SEPTIN4: variants seen among roughly 807,000 people sequenced by gnomAD.
The protein encoded by SEPTIN4 is septin-4.
SEPTIN4 carries 52 observed loss-of-function variants against 107.1 expected under a neutral mutation model. The observed-to-expected ratio is 0.49, with a 90% CI of 0.39 to 0.61. The LOEUF is 0.61. Among genes scored for constraint, SEPTIN4 ranks in the 20% least tolerant of loss-of-function variants. SEPTIN4 has a pLI of 0.00. For missense variants in SEPTIN4, 1,048 were observed against 1,243.5 expected (o/e 0.84, Z 2.36); for synonymous variants, 417 against 467.0 (o/e 0.89, Z 1.38).
At chr17:58,537,479 TGACAGGGTAA>T (rs2043752384) in intron 3 of SEPTIN4, among the ~76,000 whole-genome samples, 1 of 152,216 alleles carries the variant, frequency 6.6e-6, no homozygotes, top group Non-Finnish European at 1.5e-5. Context: ...GGGTGCCATC[TGACAGGGTAA>T]GATGCTTGCT....
At chr17:58,537,586 C>CTTTG (rs957993111) in intron 3 of SEPTIN4, among the ~76,000 whole-genome samples, 1 of 152,136 alleles carries the variant, frequency 6.6e-6, no homozygotes, top group African/African-American at 2.4e-5. Context: ...AATCCCAGCA[C>CTTTG]TTTGGGAGGC....
chr17:58,529,556 T>C (rs529350769), intron 3 of SEPTIN4: 51 of 481,232 alleles, frequency 1.1e-4, no homozygotes, highest in African/African-American at 9.0e-4. Context: ...TTTTGATCCA[T>C]TTGACCTCTC....
Position 58,525,189 on chromosome 17 carries a change from T to G in SEPTIN4, c.2105A>C (p.Gln702Pro). 4 of 1,614,036 alleles carry G rather than the reference T, an allele frequency of 2.5e-6. No individual in the cohort carries two copies. Among genetic ancestry groups the G allele is most frequent in the Non-Finnish European group, 3.4e-6 (4 of 1,180,028 alleles). Residue 702 changes from glutamine to proline, a missense_variant, in exon 7 of 14, where the codon CAA becomes CCA. Coordinates refer to ENST00000672673, the MANE Select transcript of SEPTIN4 (RefSeq NM_001368771.2). ...TGCATGCTTAGTGATCTCCACAGTT[T>G]GCATGATCCTCTCTGGAGAAAGGGG... ...KLLGAEERIMQTVEITKHAVD... is the reference protein window; with the variant it reads ...KLLGAEERIMPTVEITKHAVD...
intron 3 of SEPTIN4, chr17:58,539,136 C>T: frequency 6.5e-7 from 1 of 1,533,980 alleles, no homozygotes; most frequent in South Asian, 1.2e-5. Flanking sequence ...AGAAGACCAG[C>T]AGCCCAGCTG....
chr17:58,527,099 T>C (rs748160650), intron 3 of SEPTIN4, 121 bp from the exon 4 acceptor site: 3 of 1,537,556 alleles, frequency 2.0e-6, no homozygotes, highest in Non-Finnish European at 2.7e-6. Flanking sequence ...CACTTGTGGT[T>C]AGAAGAAAAA....
At chr17:58,523,293 TG>T (rs2042472164) in intron 7 of SEPTIN4, among the ~76,000 whole-genome samples, 1 of 149,396 alleles carries the variant, frequency 6.7e-6, no homozygotes, top group African/African-American at 2.5e-5. Flanking sequence ...GAAGATAACC[TG>T]AGCCCGGGGA....
At chr17:58,527,944 G>C (rs2043108812) in intron 3 of SEPTIN4, 2 of 985,540 alleles carry the variant, frequency 2.0e-6, no homozygotes, top group Non-Finnish European at 2.4e-6. Flanking sequence ...CCCATCCTCA[G>C]CTCAGAAGAG....
chr17:58,543,368 G>C lies in SEPTIN4; in HGVS notation c.819C>G (p.Leu273=), dbSNP rs1251521349. Residue 273 remains leucine (L), a synonymous_variant, in exon 1 of 14, where the codon CTC becomes CTG. Coordinates refer to ENST00000672673, the MANE Select transcript of SEPTIN4 (RefSeq NM_001368771.2). The part of the protein sequence containing the change: ...LYRNMNLDSL[L]KLSVLKDSDG... Reference sequence around the variant, plus strand: ...CAGAATCTTTAAGGACAGAGAGTTTGAGCAATGAGTCCAAGTTCATATTCC... The same window carrying C: ...CAGAATCTTTAAGGACAGAGAGTTTCAGCAATGAGTCCAAGTTCATATTCC... 2 of 1,614,168 alleles carry C rather than the reference G, an allele frequency of 1.2e-6. No individual in the cohort carries two copies. Among genetic ancestry groups the C allele is most frequent in the Middle Eastern group, 1.6e-4 (1 of 6,062 alleles).
At chr17:58,529,539 G>T in intron 3 of SEPTIN4, 2 of 650,294 alleles carry the variant, frequency 3.1e-6, no homozygotes, top group Non-Finnish European at 3.8e-6. Flanking sequence ...TCTGTTTGCA[G>T]CCAGGCTTTT....
At chr17:58,523,997 T>A (rs2042558485) in intron 7 of SEPTIN4, among the ~76,000 whole-genome samples, 1 of 152,160 alleles carries the variant, frequency 6.6e-6, no homozygotes, top group Admixed American at 6.5e-5. Context: ...ATTAGTATTA[T>A]GGAAGGTAAG....
intron 3 of SEPTIN4, chr17:58,539,051 G>A (rs909647978): frequency 1.2e-5 from 14 of 1,142,820 alleles, no homozygotes; most frequent in African/African-American, 4.7e-5. Flanking sequence ...GGGACAGGCC[G>A]GGGAGAGCCT....
rs17222537 is a variant in SEPTIN4, at chr17:58,543,506, G to A, written c.681C>T (p.His227=). Residue 227 remains histidine (H), a synonymous_variant, in exon 1 of 14, where the codon CAC becomes CAT. Transcript: ENST00000672673. ...RSPRSPSLLE[H]GSSCVSADYQ... is the part of the protein sequence containing the mutation. ...AGTCTGCAGAGACACAGCTGCTTCC[G>A]TGCTCTAGGAGAGAGGGACTCCTTG... 9.8e-4 allele frequency: 1,587 copies of A among 1,614,114 alleles called. 34 individuals are homozygous for A. In the East Asian group the frequency reaches 0.032, roughly 32 times the overall value.
rs761196793 is a variant in SEPTIN4 at position 58,526,797 on chromosome 17, G to A, written c.1796C>T (p.Pro599Leu). The change falls in exon 4 of 14, where the codon CCC (proline) becomes CTC (leucine). Residue 599 changes from proline to leucine, a missense_variant. Transcript: ENST00000672673. ...GTTGTCAGAGGACTGGGGCCGCGAG[G>A]GGGGTCTGAACTCCAGGTCATCATC... is the stretch of plus-strand genomic sequence containing the variant. The part of the protein sequence containing the change: ...LYDDDLEFRP[P>L]SRPQSSDNQQ... 1 of 1,613,744 alleles carries A rather than the reference G, an allele frequency of 6.2e-7. No individual in the cohort carries two copies. The highest frequency in any genetic ancestry group is 8.5e-7 in the Non-Finnish European group (1 of 1,179,896).
Position 58,521,197 on chromosome 17 carries a change from G to C in SEPTIN4, c.2669-37C>G. 6.2e-7 allele frequency: 1 copy of C among 1,614,170 alleles called. No individual in the cohort carries two copies. On this transcript the variant is annotated intron_variant, in intron 11 of 13. Transcript: ENST00000672673. The surrounding 1 kb of genome is among the most constrained non-coding windows in gnomAD (Gnocchi z 6.4). ...GGCTAGGGGTCAGCCAGAGGCATAG[G>C]TAGGGGAGAGCCACTGAGGGCAAGG...
chr17:58,526,791 C>G lies in SEPTIN4; in HGVS notation c.1802G>C (p.Arg601Pro), dbSNP rs374225221. 1.5e-4 allele frequency: 246 copies of G among 1,613,454 alleles called. No homozygotes were observed. Among genetic ancestry groups the G allele is most frequent in the Non-Finnish European group, 2.0e-4 (234 of 1,179,878 alleles). ...CTGCTGGTTGTCAGAGGACTGGGGC[C>G]GCGAGGGGGGTCTGAACTCCAGGTC... ...DDDLEFRPPS[R>P]PQSSDNQQYF... is the part of the protein sequence containing the mutation. Residue 601 changes from arginine (R) to proline (P), a missense_variant, in exon 4 of 14, where the codon CGG becomes CCG. Around this residue, in one of 2 missense-constraint regions of SEPTIN4, gnomAD observed 787 missense variants for 871.8 expected, o/e 0.90. Coordinates refer to ENST00000672673, the MANE Select transcript of SEPTIN4 (RefSeq NM_001368771.2).
intron 3 of SEPTIN4, chr17:58,531,026 A>T (rs570364870): frequency 1.3e-5 from 2 of 152,556 alleles, no homozygotes; most frequent in East Asian, 1.9e-4. Context: ...GTGTCCCCCA[A>T]TGCAGAGGGC....
rs7210345 is a variant in SEPTIN4 at position 58,537,794 on chromosome 17, C to A, written c.1614+2872G>T. Among the ~76,000 whole-genome samples the A allele has an allele frequency of 8.9e-3, 1,281 of 144,210 alleles. 22 individuals are homozygous for A. Among genetic ancestry groups the A allele is most frequent in the African/African-American group, 0.031 (1,181 of 38,414 alleles). The allele number at this position is 144,210 out of a possible 152,430, so 94.6% of individuals were successfully genotyped here. On this transcript the variant is annotated intron_variant, in intron 3 of 13. Transcript: ENST00000672673. ...GCAGTGAGCCGAGATCGCGCCATTG[C>A]ACTCCAGCCTGGGTGACAGAGCGAG...
In SEPTIN4 at chr17:58,544,113, G is replaced by T; in HGVS notation, c.74C>A (p.Thr25Lys). Residue 25 changes from threonine (T) to lysine (K), a missense_variant, in exon 1 of 14, where the codon ACA becomes AAA. Physicochemically the swap from Thr to Lys is moderately conservative, Grantham distance 78 (BLOSUM62 -1). Around this residue, in one of 2 missense-constraint regions of SEPTIN4, gnomAD observed 787 missense variants for 871.8 expected, o/e 0.90. Coordinates refer to ENST00000672673, the MANE Select transcript of SEPTIN4 (RefSeq NM_001368771.2). Reference protein sequence around the residue: ...AQRGSEVTTNTSPQQGHGYVL... With the variant: ...AQRGSEVTTNKSPQQGHGYVL... ...GTACCCATGTCCCTGCTGAGGGGAT[G>T]TGTTAGTAGTAACCTCAGACCCTCT... The T allele has an allele frequency of 6.2e-7, 1 of 1,614,170 alleles. No homozygotes were observed. The highest frequency in any genetic ancestry group is 8.5e-7 in the Non-Finnish European group (1 of 1,180,020).
rs911673345 is a variant in SEPTIN4 at position 58,543,190 on chromosome 17, G to A, written c.997C>T (p.Arg333Cys). 3.7e-6 allele frequency: 6 copies of A among 1,613,924 alleles called. No homozygotes were observed. The highest frequency in any genetic ancestry group is 1.3e-5 in the African/African-American group (1 of 74,868). ...TPIRGNSEVG[R>C]RVTISPGVQS... The stretch of plus-strand genomic sequence containing the variant: ...ACCCCTGGGGAGATGGTGACCCTGC[G>A]GCCAACCTCGCTGTTTCCTCGGATT... Residue 333 changes from arginine (R) to cysteine (C), a missense_variant, in exon 1 of 14, where the codon CGC (arginine) becomes TGC (cysteine). Coordinates refer to ENST00000672673, the MANE Select transcript of SEPTIN4 (RefSeq NM_001368771.2).
Sources: gnomAD v4.1 joint callset for allele counts (sites outside exome capture counted in the v4.1 genomes callset) on GRCh38, gnomAD v4.1.1 for gene constraint, gnomAD v4.1.1 regional missense constraint, Gnocchi (gnomAD v3.1) non-coding constraint, MANE v1.5 for transcripts, NCBI Gene and HGNC (gene_info 2026-07-23, HGNC 2026-07-21) for gene names.